HMGA2: variants seen among roughly 807,000 people sequenced by gnomAD.
HMGA2 encodes high mobility group protein HMGI-C.
Under a neutral mutation model 19.1 loss-of-function variants are expected in HMGA2, and 8 were observed. The ratio of observed to expected loss-of-function variants is 0.42; its 90% confidence interval spans 0.25 to 0.76. HMGA2 has a LOEUF of 0.76. Among genes scored for constraint, HMGA2 ranks in the 30% least tolerant of loss-of-function variants. The pLI is 0.28. For missense variants in HMGA2, 109 were observed against 136.3 expected (o/e 0.80, Z 1.00); for synonymous variants, 60 against 48.8 (o/e 1.23, Z -0.96).
intron 3 of HMGA2, among the ~76,000 whole-genome samples, chr12:65,928,957 CATGT>C (rs370239997): frequency 1.3e-3 from 199 of 152,064 alleles, no homozygotes; most frequent in South Asian, 3.7e-3. Context: ...TGTATATATG[CATGT>C]ATGTATGTAT....
intron 3 of HMGA2, among the ~76,000 whole-genome samples, chr12:65,929,269 A>G (rs1875623583): frequency 6.6e-6 from 1 of 152,098 alleles, no homozygotes; most frequent in Non-Finnish European, 1.5e-5. Flanking sequence ...CAGCCTTCCC[A>G]TACTTGATTT....
intron 3 of HMGA2, among the ~76,000 whole-genome samples, chr12:65,877,487 G>A (rs569258707): frequency 1.3e-5 from 2 of 152,118 alleles, no homozygotes; most frequent in African/African-American, 4.8e-5. Flanking sequence ...AAATGACCCC[G>A]GTCACTGGGA....
chr12:65,855,456 TCTCA>T (rs1420036191), intron 3 of HMGA2, among the ~76,000 whole-genome samples: 36 of 52,904 alleles, frequency 6.8e-4, no homozygotes, highest in African/African-American at 1.6e-3. Context: ...TCTCTCTCTC[TCTCA>T]CACACACACA....
intron 3 of HMGA2, among the ~76,000 whole-genome samples, chr12:65,861,360 C>T (rs527610476): frequency 1.3e-5 from 2 of 151,688 alleles, no homozygotes; most frequent in Non-Finnish European, 2.9e-5. Context: ...AGCAAGACTC[C>T]GTCTCAAAAC....
chr12:65,943,390 A>G (rs1296196333), intron 3 of HMGA2, among the ~76,000 whole-genome samples: 1 of 152,170 alleles, frequency 6.6e-6, no homozygotes, highest in African/African-American at 2.4e-5. Context: ...TCAGCCCCCC[A>G]GTCTGTTCTC....
chr12:65,885,828 T>C (rs1873633312), intron 3 of HMGA2, among the ~76,000 whole-genome samples: 1 of 152,230 alleles, frequency 6.6e-6, no homozygotes, highest in African/African-American at 2.4e-5. Context: ...ATTTTAATAT[T>C]TGAGCTGATG....
chr12:65,900,079 A>G (rs1036035832), intron 3 of HMGA2, among the ~76,000 whole-genome samples: 10 of 152,214 alleles, frequency 6.6e-5, no homozygotes, highest in Non-Finnish European at 1.5e-4. Context: ...ATTTTAGATT[A>G]TCTTGTATAT....
intron 3 of HMGA2, among the ~76,000 whole-genome samples, chr12:65,847,538 A>T (rs1373777947): frequency 6.6e-6 from 1 of 152,078 alleles, no homozygotes; most frequent in Admixed American, 6.6e-5. Flanking sequence ...TATCTTTTTA[A>T]CCTCAGCACC....
chr12:65,842,004 T>TA (rs1345967185), intron 3 of HMGA2: 52 of 1,053,526 alleles, frequency 4.9e-5, no homozygotes, highest in East Asian at 6.1e-5. Context: ...TTTTTTTTTT[T>TA]ATCCCCCTAG....
intron 3 of HMGA2, among the ~76,000 whole-genome samples, chr12:65,880,980 G>C (rs996855481): frequency 2.0e-5 from 3 of 152,168 alleles, no homozygotes; most frequent in African/African-American, 7.2e-5. Flanking sequence ...AATAATGCCT[G>C]TAGGGAAAAT....
At chr12:65,830,395 G>T (rs557265710) in intron 2 of HMGA2, among the ~76,000 whole-genome samples, 56 of 151,954 alleles carry the variant, frequency 3.7e-4, no homozygotes, top group African/African-American at 1.3e-3. Flanking sequence ...AAGTTATATT[G>T]TTCATAACAT....
intron 1 of HMGA2, among the ~76,000 whole-genome samples, chr12:65,827,643 TAA>T (rs1279011277): frequency 1.3e-5 from 2 of 152,232 alleles, no homozygotes; most frequent in African/African-American, 4.8e-5. Flanking sequence ...GGTGTTCGTT[TAA>T]AATGCCTATT....
chr12:65,860,594 G>A (rs1272134399), intron 3 of HMGA2, among the ~76,000 whole-genome samples: 3 of 152,168 alleles, frequency 2.0e-5, no homozygotes, highest in East Asian at 1.9e-4. Flanking sequence ...GTGGTATACA[G>A]TAACCGCTTA....
chr12:65,842,860 G>A, intron 3 of HMGA2: 3 of 1,303,736 alleles, frequency 2.3e-6, no homozygotes, highest in Non-Finnish European at 2.9e-6. Context: ...TTTGGAGAAA[G>A]TTTTAGAGAG....
chr12:65,918,922 T>A (rs1213945676), intron 3 of HMGA2, among the ~76,000 whole-genome samples: 1 of 152,218 alleles, frequency 6.6e-6, no homozygotes, highest in Non-Finnish European at 1.5e-5. Context: ...GAGATACCAG[T>A]GGGCTGACTA....
intron 3 of HMGA2, among the ~76,000 whole-genome samples, chr12:65,939,982 T>C (rs2121290105): frequency 6.6e-6 from 1 of 152,280 alleles, no homozygotes; most frequent in East Asian, 1.9e-4. Flanking sequence ...CAATAACACA[T>C]AATACATGAG....
rs12580315 is a variant in HMGA2 at position 65,933,801 on chromosome 12, A to T, written c.250-17582A>T. ...ATTTTTCCCTAATCACTAAATGATTATTAACCATTTGTAAGAAGAGTTAAC... is the reference window on the plus strand; with the variant it reads ...ATTTTTCCCTAATCACTAAATGATTTTTAACCATTTGTAAGAAGAGTTAAC... On this transcript the variant is annotated intron_variant, in intron 3 of 4. Coordinates refer to ENST00000403681, the MANE Select transcript of HMGA2 (RefSeq NM_003483.6). 8.3e-3 allele frequency among the ~76,000 whole-genome samples: 1,265 copies of T among 152,336 alleles called. 44 individuals are homozygous for T. The East Asian group carries it at 0.14, about 17-fold the overall frequency.
chr12:65,938,844 T>C (rs1937044205), intron 3 of HMGA2, among the ~76,000 whole-genome samples: 1 of 152,040 alleles, frequency 6.6e-6, no homozygotes, highest in Admixed American at 6.6e-5. Context: ...TTGTACTTTT[T>C]TTTAGAGATA....
chr12:65,932,947 A>C (rs1875767703), intron 3 of HMGA2, among the ~76,000 whole-genome samples: 1 of 152,166 alleles, frequency 6.6e-6, no homozygotes, highest in African/African-American at 2.4e-5. Context: ...GCCATTCAAA[A>C]CATCAGTGAT....
Sources: allele counts gnomAD v4.1 joint callset (sites outside exome capture counted in the v4.1 genomes callset), GRCh38; gene constraint gnomAD v4.1.1; transcripts MANE v1.5; gene names NCBI Gene and HGNC (gene_info 2026-07-23, HGNC 2026-07-21).